Variants in CEP128 observed in about 807,000 individuals in gnomAD.
The protein encoded by CEP128 is centrosomal protein 128.
A neutral mutation model predicts 156.7 loss-of-function variants in CEP128; 132 were observed. The ratio of observed to expected loss-of-function variants is 0.84; its 90% CI spans 0.73 to 0.97. The LOEUF (loss-of-function observed/expected upper bound fraction) is 0.97. Among genes scored for constraint, CEP128 ranks in the 50% least tolerant of loss-of-function variants. The pLI is 0.00. For missense variants in CEP128, 1,252 were observed against 1,281.9 expected (o/e 0.98, Z 0.36); for synonymous variants, 469 against 448.9 (o/e 1.04, Z -0.57).
At chr14:80,801,492 G>A (rs1043691944) in intron 13 of CEP128, among the ~76,000 whole-genome samples, 1 of 151,512 alleles carries the variant, frequency 6.6e-6, no homozygotes, top group African/African-American at 2.4e-5. Flanking sequence ...CATTTATTGA[G>A]AAGGAACTTA....
chr14:80,535,617 A>T (rs1020114718), intron 21 of CEP128, among the ~76,000 whole-genome samples: 7 of 149,628 alleles, frequency 4.7e-5, no homozygotes, highest in South Asian at 2.1e-4. Flanking sequence ...GCACACACTC[A>T]CACACACACA....
intron 21 of CEP128, among the ~76,000 whole-genome samples, chr14:80,545,434 T>G (rs1889939782): frequency 6.6e-6 from 1 of 152,232 alleles, no homozygotes; most frequent in East Asian, 1.9e-4. Flanking sequence ...TAACCACTAA[T>G]TTGTTTTTAA....
At chr14:80,550,817 A>AAG (rs1170315807) in intron 21 of CEP128, among the ~76,000 whole-genome samples, 1 of 151,210 alleles carries the variant, frequency 6.6e-6, no homozygotes, top group African/African-American at 2.4e-5. Context: ...AAATGTAAAA[A>AAG]AAAAAAAAAA....
chr14:80,871,900 G>T (rs1888047495), intron 8 of CEP128, among the ~76,000 whole-genome samples: 1 of 152,056 alleles, frequency 6.6e-6, no homozygotes, highest in Non-Finnish European at 1.5e-5. Context: ...TTAAAAGATG[G>T]TATTCTCGCT....
intron 4 of CEP128, 104 bp downstream of exon 4, chr14:80,914,218 C>A: frequency 2.7e-6 from 2 of 750,090 alleles, no homozygotes; most frequent in African/African-American, 1.8e-5. Context: ...AAATCTAAAG[C>A]ACTTCACAAT....
intron 13 of CEP128, among the ~76,000 whole-genome samples, chr14:80,823,607 GA>G (rs1007683883): frequency 3.4e-4 from 43 of 125,046 alleles, no homozygotes; most frequent in African/African-American, 8.8e-4. Context: ...TTTGGCTTGG[GA>G]AAAAAAAAAA....
At chr14:80,678,699 T>G (rs1896190994) in intron 19 of CEP128, among the ~76,000 whole-genome samples, 1 of 152,160 alleles carries the variant, frequency 6.6e-6, no homozygotes, top group Admixed American at 6.6e-5. Flanking sequence ...GGAGAGCACT[T>G]TGTTTCTCCC....
At chr14:80,669,628 T>C (rs1272928587) in intron 19 of CEP128, among the ~76,000 whole-genome samples, 2 of 152,140 alleles carry the variant, frequency 1.3e-5, no homozygotes, top group African/African-American at 4.8e-5. Context: ...CATCTTACAG[T>C]AGTCAGTACG....
At chr14:80,498,548 CT>C (rs1566740718) in intron 24 of CEP128, among the ~76,000 whole-genome samples, 1 of 152,108 alleles carries the variant, frequency 6.6e-6, no homozygotes, top group African/African-American at 2.4e-5. Context: ...AGCTTTTGTA[CT>C]TTTTGCCCCT....
chr14:80,607,112 C>T (rs929368337), intron 19 of CEP128, among the ~76,000 whole-genome samples: 1 of 151,644 alleles, frequency 6.6e-6, no homozygotes, highest in African/African-American at 2.4e-5. Flanking sequence ...TGAAAATGAG[C>T]TACATGTGTT....
At chr14:80,893,028 T>C (rs554257619) in intron 8 of CEP128, among the ~76,000 whole-genome samples, 8 of 152,170 alleles carry the variant, frequency 5.3e-5, no homozygotes, top group South Asian at 4.1e-4. Flanking sequence ...TGCATTCCTA[T>C]GTTCATTGCA....
intron 19 of CEP128, among the ~76,000 whole-genome samples, chr14:80,623,836 G>T (rs1428543294): frequency 6.6e-6 from 1 of 152,090 alleles, no homozygotes; most frequent in Non-Finnish European, 1.5e-5. Context: ...GATACAGAGT[G>T]ATATTTTGAT....
chr14:80,601,861 GTTC>G (rs908176077), intron 19 of CEP128, among the ~76,000 whole-genome samples: 29 of 99,672 alleles, frequency 2.9e-4, no homozygotes, highest in African/African-American at 1.7e-3. Flanking sequence ...TAACCAAAAT[GTTC>G]TTAAGTGGCA....
At chr14:80,600,854 A>G (rs1275734085) in intron 19 of CEP128, among the ~76,000 whole-genome samples, 1 of 152,154 alleles carries the variant, frequency 6.6e-6, no homozygotes, top group Non-Finnish European at 1.5e-5. Flanking sequence ...TCTGTATCAC[A>G]ATAACAATAC....
At chr14:80,528,240 C>G (rs1889069156) in intron 22 of CEP128, among the ~76,000 whole-genome samples, 1 of 152,210 alleles carries the variant, frequency 6.6e-6, no homozygotes, top group Non-Finnish European at 1.5e-5. Context: ...TATTCCCTTT[C>G]TACCTAATCA....
At position 80,670,552 on chromosome 14, in the gene CEP128, T is replaced by C. The variant is rs116378793; in HGVS notation, c.2806+72523A>G. Among the ~76,000 whole-genome samples the C allele has an allele frequency of 3.1e-3, 472 of 152,334 alleles. 5 individuals carry two copies. The highest frequency in any genetic ancestry group is 0.011 in the African/African-American group (462 of 41,582). ...AAACAAAAAGTCAAATACTACATGT[T>C]CTCACTTGTAAGTGGGAGCTAAATA... On this transcript the variant is annotated intron_variant, in intron 19 of 24. Transcript: ENST00000555265.
chr14:80,649,954 G>T (rs369492626), intron 19 of CEP128, among the ~76,000 whole-genome samples: 1 of 152,086 alleles, frequency 6.6e-6, no homozygotes, highest in Non-Finnish European at 1.5e-5. Flanking sequence ...TCTGTGAAGA[G>T]AGTCAATGGT....
At chr14:80,542,524 T>C (rs1453824974) in intron 21 of CEP128, among the ~76,000 whole-genome samples, 2 of 152,142 alleles carry the variant, frequency 1.3e-5, no homozygotes, top group African/African-American at 4.8e-5. Flanking sequence ...AAAGTTCAGA[T>C]AGACAGTATA....
intron 13 of CEP128, among the ~76,000 whole-genome samples, chr14:80,803,945 A>C (rs1384909633): frequency 1.3e-5 from 2 of 152,130 alleles, no homozygotes; most frequent in African/African-American, 4.8e-5. Context: ...CTAAACTGTC[A>C]GTTATTGGTA....
Sources: allele counts gnomAD v4.1 joint callset (sites outside exome capture counted in the v4.1 genomes callset), GRCh38; gene constraint gnomAD v4.1.1; transcripts MANE v1.5; gene names NCBI Gene and HGNC (gene_info 2026-07-23, HGNC 2026-07-21).